The following VPS37B variants were observed in gnomAD, a reference collection of about 807,000 sequenced individuals.
VPS37B encodes the protein vacuolar protein sorting-associated protein 37B.
A neutral mutation model predicts 21.2 loss-of-function variants in VPS37B; 11 were observed. The ratio of observed to expected loss-of-function variants is 0.52; its 90% confidence interval spans 0.33 to 0.86. The LOEUF (loss-of-function observed/expected upper bound fraction) is 0.86. Ranked by LOEUF, VPS37B falls within the 40% of genes least tolerant of loss-of-function variation. The probability of loss-of-function intolerance (pLI) is 0.03; values close to 1 mark genes in which losing one functional copy is unlikely to be tolerated. For synonymous variants in VPS37B, 175 were observed against 159.6 expected, an observed-to-expected ratio of 1.10 and a Z score of -0.73; for missense variants, 389 against 374.8, an observed-to-expected ratio of 1.04 and a Z score of -0.31.
chr12:122,872,767 G>A, intron 1 of VPS37B: 3 of 861,288 alleles, frequency 3.5e-6, no homozygotes, highest in Middle Eastern at 6.0e-4. Context: ...CCCAGAAGTT[G>A]TACTCTTGGG....
rs67994180 is a variant in VPS37B, at chr12:122,893,823, C to CAA, written c.111+2127_111+2128dup. On this transcript the variant is annotated intron_variant, in intron 1 of 3. Transcript: ENST00000267202. ...TTCAGGTATGAAGGTCACTTTTACT[C>CAA]AAAAAAAAAAAAAAAAAAAAAAAAT... Among the ~76,000 whole-genome samples, 9 of 135,004 alleles carry CAA rather than the reference C, an allele frequency of 6.7e-5. No homozygotes were observed. In the South Asian group the frequency reaches 1.5e-3, roughly 22 times the overall value. The allele number at this position is 135,004 out of a possible 152,430, so 88.6% of individuals were successfully genotyped here.
chr12:122,867,538 G>A lies in VPS37B; in HGVS notation c.436C>T (p.Arg146Trp), dbSNP rs960937060. ...ACCCGTCGCATGTGGGCCAGTTTCCGTTTGCTCTGATAGACATCAATGAAG... is the reference window on the plus strand; with the variant it reads ...ACCCGTCGCATGTGGGCCAGTTTCCATTTGCTCTGATAGACATCAATGAAG... ...DSFIDVYQSK[R>W]KLAHMRRVKI... is the part of the protein sequence containing the mutation. Residue 146 changes from arginine (R) to tryptophan (W), a missense_variant, in exon 4 of 4, where the codon CGG becomes TGG. Physicochemically the swap from Arg to Trp is moderately radical, Grantham distance 101. Coordinates refer to ENST00000267202, the MANE Select transcript of VPS37B (RefSeq NM_024667.3). The surrounding 1 kb of genome is among the most constrained non-coding windows in gnomAD (Gnocchi z 5.5). 1.2e-6 allele frequency: 2 copies of A among 1,613,906 alleles called. No homozygotes were observed. Among genetic ancestry groups the A allele is most frequent in the African/African-American group, 1.3e-5 (1 of 74,890 alleles).
At position 122,872,721 on chromosome 12, in the gene VPS37B, CT is replaced by C. The variant is rs1320477706; in HGVS notation, c.112-1661del. ...GTATGGCCACTCTGGAAAACAGGCA[CT>C]TTTTAATAAAGCTGAATACGTAACT... On this transcript the variant is annotated intron_variant, in intron 1 of 3. Coordinates refer to ENST00000267202, the MANE Select transcript of VPS37B (RefSeq NM_024667.3). 6.1e-6 allele frequency: 6 copies of C among 984,110 alleles called. No individual in the cohort carries two copies. In the South Asian group the frequency reaches 2.8e-4, roughly 46 times the overall value. 61.0% of individuals were successfully genotyped at this position (984,110 alleles called of 1,614,324 possible). A position where few individuals can be genotyped will look rare whatever the true frequency, so the allele number is the denominator to read the frequency against.
rs1409454529 is a variant in VPS37B, at chr12:122,871,273, A to G, written c.112-212T>C. 2.3e-6 allele frequency: 3 copies of G among 1,332,368 alleles called. No homozygotes were observed. The African/African-American group carries it at 4.4e-5, about 20-fold the overall frequency. 82.5% of individuals were successfully genotyped at this position (1,332,368 alleles called of 1,614,324 possible). A position where few individuals can be genotyped will look rare whatever the true frequency, so the allele number is the denominator to read the frequency against. ...CTGCCCGTCGTAAAGAATGAGGCCG[A>G]CTTCCTTCCAGCACGTTTCCAGGAC... On this transcript the variant is annotated intron_variant, in intron 1 of 3. Transcript: ENST00000267202.
intron 1 of VPS37B, chr12:122,890,213 T>C (rs181618113): frequency 1.3e-5 from 2 of 152,314 alleles, no homozygotes; most frequent in East Asian, 3.9e-4. Context: ...TCTGTCTCTT[T>C]TGTTTTGTGG....
intron 1 of VPS37B, among the ~76,000 whole-genome samples, chr12:122,892,943 C>T (rs2034437927): frequency 6.6e-6 from 1 of 152,152 alleles, no homozygotes; most frequent in Non-Finnish European, 1.5e-5. Flanking sequence ...CACCTGTGAG[C>T]CCTGCTACGC....
rs2033938103 is a variant in VPS37B at position 122,867,800 on chromosome 12, G to A, written c.367-193C>T. 1.3e-5 allele frequency among the ~76,000 whole-genome samples: 2 copies of A among 152,184 alleles called. No individual in the cohort carries two copies. The highest frequency in any genetic ancestry group is 1.3e-4 in the Admixed American group (2 of 15,286). ...AGGCTTCAGCATGAGCTGCCACTAGGTGGAGAGGACGACAGCCCTGCTGCG... is the reference window on the plus strand; with the variant it reads ...AGGCTTCAGCATGAGCTGCCACTAGATGGAGAGGACGACAGCCCTGCTGCG... On this transcript the variant is annotated intron_variant, in intron 3 of 3. Coordinates refer to ENST00000267202, the MANE Select transcript of VPS37B (RefSeq NM_024667.3). The surrounding 1 kb of genome is among the most constrained non-coding windows in gnomAD (Gnocchi z 5.5).
In VPS37B at chr12:122,867,751, C is replaced by G. The variant is rs535035970; in HGVS notation, c.367-144G>C. ...CCACCCAGAGGGCCTCGCTCCTGCTCCAGATCCCAGAGGTCATGGGCTCAG... is the reference window on the plus strand; with the variant it reads ...CCACCCAGAGGGCCTCGCTCCTGCTGCAGATCCCAGAGGTCATGGGCTCAG... On this transcript the variant is annotated intron_variant, in intron 3 of 3. Transcript: ENST00000267202. This position sits in a 1 kb window ranked among gnomAD's most constrained non-coding sequence, Gnocchi z 5.5. The G allele has an allele frequency of 3.7e-6, 4 of 1,091,696 alleles. No individual in the cohort carries two copies. Among genetic ancestry groups the G allele is most frequent in the Non-Finnish European group, 5.3e-6 (4 of 756,956 alleles). 67.6% of individuals were successfully genotyped at this position (1,091,696 alleles called of 1,614,324 possible). A position where few individuals can be genotyped will look rare whatever the true frequency, so the allele number is the denominator to read the frequency against.
At position 122,867,911 on chromosome 12, in the gene VPS37B, C is replaced by A. The variant is rs1299765067; in HGVS notation, c.367-304G>T. Among the ~76,000 whole-genome samples, 1 of 151,990 alleles carries A rather than the reference C, an allele frequency of 6.6e-6. No individual in the cohort carries two copies. Among genetic ancestry groups the A allele is most frequent in the Non-Finnish European group, 1.5e-5 (1 of 68,032 alleles). On this transcript the variant is annotated intron_variant, in intron 3 of 3. Transcript: ENST00000267202. The surrounding 1 kb of genome is among the most constrained non-coding windows in gnomAD (Gnocchi z 5.5). ...GGGTCCCAGGCCTCTCTCGAGCCCGCTGGAGTCCAACACCTCCTTGCTTCC... is the reference window on the plus strand; with the variant it reads ...GGGTCCCAGGCCTCTCTCGAGCCCGATGGAGTCCAACACCTCCTTGCTTCC...
chr12:122,895,916 C>T, intron 1 of VPS37B, 36 bp downstream of exon 1: 1 of 1,591,632 alleles, frequency 6.3e-7, no homozygotes, highest in Non-Finnish European at 8.6e-7. Context: ...CCGCTCGAGG[C>T]CTCACAGCCG....
chr12:122,890,720 TC>T (rs2034400155), intron 1 of VPS37B, among the ~76,000 whole-genome samples: 1 of 152,216 alleles, frequency 6.6e-6, no homozygotes, highest in Admixed American at 6.5e-5. Context: ...AGTTGACAGT[TC>T]AGTGGCACCG....
intron 1 of VPS37B, chr12:122,878,985 A>G (rs1204810526): frequency 6.6e-6 from 1 of 152,218 alleles, no homozygotes; most frequent in Non-Finnish European, 1.5e-5. Context: ...CATGGAGAAG[A>G]CAGAGGCAGA....
chr12:122,895,828 T>A, intron 1 of VPS37B, 124 bp downstream of exon 1: 47 of 673,148 alleles, frequency 7.0e-5, no homozygotes, highest in East Asian at 9.4e-5. Flanking sequence ...AGCGCCCCCA[T>A]TTCTAGCCCA....
chr12:122,872,136 A>C, intron 1 of VPS37B: 11 of 985,464 alleles, frequency 1.1e-5, no homozygotes, highest in Non-Finnish European at 1.2e-5. Flanking sequence ...ATTCCTGGCC[A>C]TGCTGCCTCT....
In VPS37B at chr12:122,867,046, G is replaced by C. The variant is rs1036547565; in HGVS notation, c.*70C>G. The C allele has an allele frequency of 6.9e-7, 1 of 1,448,538 alleles. No individual in the cohort carries two copies. Among genetic ancestry groups the C allele is most frequent in the Non-Finnish European group, 9.1e-7 (1 of 1,100,398 alleles). The allele number at this position is 1,448,538 out of a possible 1,614,324, so 89.7% of individuals were successfully genotyped here. A position where few individuals can be genotyped will look rare whatever the true frequency, so the allele number is the denominator to read the frequency against. The stretch of plus-strand genomic sequence containing the variant: ...GCCCTTGGCACAGAGCGGACCTCCA[G>C]CCTCCTTCCCGTGAGCAGAGCACAA... On this transcript the variant is annotated 3_prime_UTR_variant, in exon 4 of 4. Coordinates refer to ENST00000267202, the MANE Select transcript of VPS37B (RefSeq NM_024667.3). This position sits in a 1 kb window ranked among gnomAD's most constrained non-coding sequence, Gnocchi z 5.5.
chr12:122,895,317 T>A (rs2034475051), intron 1 of VPS37B, among the ~76,000 whole-genome samples: 1 of 151,800 alleles, frequency 6.6e-6, no homozygotes, highest in Non-Finnish European at 1.5e-5. Context: ...ATTTGGATAG[T>A]CCACTCAGTC....
At chr12:122,894,609 G>A (rs1310909884) in intron 1 of VPS37B, among the ~76,000 whole-genome samples, 1 of 152,200 alleles carries the variant, frequency 6.6e-6, no homozygotes, top group African/African-American at 2.4e-5. Context: ...ATAAAGGAGT[G>A]GTAGGTGGGC....
chr12:122,891,593 T>C (rs1282822418), intron 1 of VPS37B, among the ~76,000 whole-genome samples: 2 of 152,236 alleles, frequency 1.3e-5, no homozygotes, highest in Admixed American at 1.3e-4. Context: ...AACGTAAAAG[T>C]TGAAGCCTTT....
chr12:122,888,605 A>T (rs1417140115), intron 1 of VPS37B: 1 of 456,098 alleles, frequency 2.2e-6, no homozygotes, highest in Non-Finnish European at 4.4e-6. Context: ...CCTCAGCTCA[A>T]GAACACAACC....
Sources: gnomAD v4.1 joint callset for allele counts (sites outside exome capture counted in the v4.1 genomes callset) on GRCh38, gnomAD v4.1.1 for gene constraint, Gnocchi (gnomAD v3.1) non-coding constraint, MANE v1.5 for transcripts, NCBI Gene and HGNC (gene_info 2026-07-23, HGNC 2026-07-21) for gene names.